RGS12: variants seen among roughly 807,000 people sequenced by gnomAD.
RGS12 encodes the protein regulator of G protein signaling 12.
Under a neutral mutation model 120.1 loss-of-function variants are expected in RGS12, and 66 were observed. That is an observed-to-expected ratio of 0.55 (90% CI 0.45 to 0.67). The LOEUF (loss-of-function observed/expected upper bound fraction) is 0.67. Among genes scored for constraint, RGS12 ranks in the 30% least tolerant of loss-of-function variants. The probability of loss-of-function intolerance (pLI) is 0.00; values close to 1 mark genes in which losing one functional copy is unlikely to be tolerated. For synonymous variants in RGS12, 827 were observed against 804.7 expected (o/e 1.03, Z -0.47); for missense variants, 1,859 against 1,957.7 (o/e 0.95, Z 0.95).
rs1260713144 is a variant in RGS12, at chr4:3,366,728, A to T, written c.1999-19688A>T. Among the ~76,000 whole-genome samples, 2 of 152,134 alleles carry T rather than the reference A, an allele frequency of 1.3e-5. No individual in the cohort carries two copies. Among genetic ancestry groups the T allele is most frequent in the Admixed American group, 6.5e-5 (1 of 15,270 alleles). On this transcript the variant is annotated intron_variant, in intron 3 of 17. Coordinates refer to ENST00000336727, the MANE Select transcript of RGS12 (RefSeq NM_001394154.1). This position sits in a 1 kb window ranked among gnomAD's most constrained non-coding sequence, Gnocchi z 4.0. Reference sequence around the variant, plus strand: ...CCTGGTTAGGCTGGGGCATCACGGGATGTGTCCTCTAGCAGAGACTGGTGT... The same window carrying T: ...CCTGGTTAGGCTGGGGCATCACGGGTTGTGTCCTCTAGCAGAGACTGGTGT...
Position 3,414,078 on chromosome 4 carries a change from C to T in RGS12, c.2027C>T (p.Thr676Met), listed in dbSNP as rs528303715. ...GTCTGTGCTGGTCCCGCAGAGTTGA[C>T]GGGCGCCGACCTGAAGGACTGCGTC... The part of the protein sequence containing the change: ...ESATVSDGEL[T>M]GADLKDCVSN... Residue 676 changes from threonine (T) to methionine (M), a missense_variant, in exon 5 of 18, where the codon ACG becomes ATG. By Grantham distance (81) the Thr-to-Met change is moderately conservative. Around this residue, in one of 3 missense-constraint regions of RGS12, gnomAD observed 967 missense variants for 994.2 expected, o/e 0.97. Transcript: ENST00000336727. 7.0e-5 allele frequency: 109 copies of T among 1,558,120 alleles called. 1 individual carries two copies. In the Middle Eastern group the frequency reaches 1.1e-3, roughly 15 times the overall value.
At chr4:3,435,169 C>T (rs1409902101) in intron 17 of RGS12, among the ~76,000 whole-genome samples, 2 of 152,168 alleles carry the variant, frequency 1.3e-5, no homozygotes, top group African/African-American at 2.4e-5. Context: ...CCTCAGGGCC[C>T]CCGGAGCTCA....
At chr4:3,401,978 C>T (rs960132508) in intron 4 of RGS12, among the ~76,000 whole-genome samples, 2 of 152,204 alleles carry the variant, frequency 1.3e-5, no homozygotes, top group Admixed American at 6.5e-5. Context: ...GAGGTGGCCC[C>T]CTGAGCCCCA....
rs370174777 is a variant in RGS12, at chr4:3,362,489, GGTGT to G, written c.1998+19442_1998+19445del. Reference sequence around the variant, plus strand: ...GTGTGTGAGGGTGTGTGTATGTGAGGGTGTGTGTGAGGGTGCGAGGATCAGTGTG... The same window carrying G: ...GTGTGTGAGGGTGTGTGTATGTGAGGGTGTGAGGGTGCGAGGATCAGTGTG... On this transcript the variant is annotated intron_variant, in intron 3 of 17. Transcript: ENST00000336727. Among the ~76,000 whole-genome samples, 8 of 131,032 alleles carry G rather than the reference GGTGT, an allele frequency of 6.1e-5. No homozygotes were observed. In the East Asian group the frequency reaches 1.0e-3, roughly 17 times the overall value. The allele number at this position is 131,032 out of a possible 152,430, so 86.0% of individuals were successfully genotyped here. A position where few individuals can be genotyped will look rare whatever the true frequency, so the allele number is the denominator to read the frequency against.
chr4:3,369,807 C>A, intron 3 of RGS12: 1 of 158,392 alleles, frequency 6.3e-6, no homozygotes, highest in Non-Finnish European at 1.4e-5. Flanking sequence ...ATACAGATAG[C>A]ACTGAGAGGG....
At chr4:3,361,487 G>T (rs1184005286) in intron 3 of RGS12, among the ~76,000 whole-genome samples, 1 of 152,238 alleles carries the variant, frequency 6.6e-6, no homozygotes, top group Admixed American at 6.5e-5. Flanking sequence ...TGGGATGAGG[G>T]TTTGAAAGTG....
intron 2 of RGS12, among the ~76,000 whole-genome samples, chr4:3,328,430 G>T (rs1161291083): frequency 1.3e-5 from 2 of 152,222 alleles, no homozygotes; most frequent in African/African-American, 2.4e-5. Context: ...ACTAGAGAGT[G>T]GGTCTGTGAA....
intron 1 of RGS12, among the ~76,000 whole-genome samples, chr4:3,310,986 C>A (rs1030921615): frequency 6.6e-6 from 1 of 152,330 alleles, no homozygotes; most frequent in Middle Eastern, 3.4e-3. Flanking sequence ...CATCTGCACG[C>A]GAGAATTGTA....
At chr4:3,289,246 C>T (rs1722962289), upstream of RGS12, among the ~76,000 whole-genome samples, 3 of 152,160 alleles carry the variant, frequency 2.0e-5, no homozygotes, top group African/African-American at 7.2e-5. Flanking sequence ...TTCTGTTGCC[C>T]AGGCTGCAGT....
chr4:3,328,900 C>T lies in RGS12; in HGVS notation c.1881+10849C>T, dbSNP rs540690439. ...TGGGGTGTGTGGGCAGCTCTGTGAG[C>T]AGAGTGGCCATCTGGGATCTGTTAC... On this transcript the variant is annotated intron_variant, in intron 2 of 17. Coordinates refer to ENST00000336727, the MANE Select transcript of RGS12 (RefSeq NM_001394154.1). Among the ~76,000 whole-genome samples, 4 of 152,300 alleles carry T rather than the reference C, an allele frequency of 2.6e-5. No individual in the cohort carries two copies. In the East Asian group the frequency reaches 7.7e-4, roughly 29 times the overall value.
chr4:3,413,458 G>A (rs185369824), intron 4 of RGS12: 4 of 152,450 alleles, frequency 2.6e-5, no homozygotes, highest in African/African-American at 4.8e-5. Context: ...TGAGAGTTTC[G>A]TGTTGAGAAG....
chr4:3,382,355 C>T (rs1000089874), intron 3 of RGS12, among the ~76,000 whole-genome samples: 1 of 152,198 alleles, frequency 6.6e-6, no homozygotes, highest in African/African-American at 2.4e-5. Flanking sequence ...TCTGCCTCCT[C>T]CTCAGCTCCA....
In RGS12 at chr4:3,382,805, T is replaced by C. The variant is rs1053502484; in HGVS notation, c.1999-3611T>C. Among the ~76,000 whole-genome samples the C allele has an allele frequency of 3.9e-5, 6 of 152,242 alleles. No homozygotes were observed. In the East Asian group the frequency reaches 1.2e-3, roughly 29 times the overall value. On this transcript the variant is annotated intron_variant, in intron 3 of 17. Coordinates refer to ENST00000336727, the MANE Select transcript of RGS12 (RefSeq NM_001394154.1). ...TTAACTTCACTTACTGTATTTTCAC[T>C]GTCGGACATTCCATATGGTTCTGTT... is the stretch of plus-strand genomic sequence containing the variant.
intron 3 of RGS12, among the ~76,000 whole-genome samples, chr4:3,360,138 AAT>A (rs1715418089): frequency 6.6e-6 from 1 of 152,130 alleles, no homozygotes; most frequent in Non-Finnish European, 1.5e-5. Context: ...TAGGTTATCC[AAT>A]GTATTGGTGT....
In RGS12 at chr4:3,430,532, C is replaced by A. The variant is rs373242698; in HGVS notation, c.3691C>A (p.Leu1231Ile). Residue 1231 changes from leucine (L) to isoleucine (I), a missense_variant, in exon 17 of 18, where the codon CTC (leucine) becomes ATC (isoleucine). Transcript: ENST00000336727. ...ACCTCCTGGTTCCACAGAACTCACC[C>A]TCCCCACTCCAGCTGCTGTGGCCAA... is the stretch of plus-strand genomic sequence containing the variant. ...RLPPGSTELT[L>I]PTPAAVAKGF... is the part of the protein sequence containing the mutation. 10 of 1,613,372 alleles carry A rather than the reference C, an allele frequency of 6.2e-6. No homozygotes were observed. Among genetic ancestry groups the A allele is most frequent in the Non-Finnish European group, 8.5e-6 (10 of 1,180,032 alleles).
rs750513453 is a variant in RGS12 at position 3,439,672 on chromosome 4, C to T, written c.4332C>T (p.Ala1444=). 1 of 1,534,278 alleles carries T rather than the reference C, an allele frequency of 6.5e-7. No homozygotes were observed. Among genetic ancestry groups the T allele is most frequent in the Non-Finnish European group, 8.8e-7 (1 of 1,140,174 alleles). ...PAKPKTSAHH[A]TFV is the part of the protein sequence containing the mutation. ...AGCCCAAGACCAGCGCTCACCACGC[C>T]ACCTTCGTCTGAGCTGCCCTGGCCT... Residue 1444 remains alanine (A), a synonymous_variant, in exon 18 of 18, where the codon GCC becomes GCT. Coordinates refer to ENST00000336727, the MANE Select transcript of RGS12 (RefSeq NM_001394154.1).
intron 4 of RGS12, among the ~76,000 whole-genome samples, chr4:3,405,797 G>A (rs1181137677): frequency 1.3e-5 from 2 of 152,200 alleles, no homozygotes; most frequent in Non-Finnish European, 2.9e-5. Flanking sequence ...GGGACGGGAT[G>A]ATACAGCAAG....
intron 2 of RGS12, among the ~76,000 whole-genome samples, chr4:3,333,135 G>GT (rs1712056176): frequency 6.7e-6 from 1 of 149,990 alleles, no homozygotes; most frequent in South Asian, 2.1e-4. Context: ...TGCAGGCTCC[G>GT]TCCCCCAGGG....
rs1720209409 is a variant in RGS12, at chr4:3,397,974, A to G, written c.2020+11537A>G. On this transcript the variant is annotated intron_variant, in intron 4 of 17. Transcript: ENST00000336727. Reference sequence around the variant, plus strand: ...TTTAGGTTTACATCCTAATTCTGCTACTTCCTAGCTGTGGGTCTCATTTCT... The same window carrying G: ...TTTAGGTTTACATCCTAATTCTGCTGCTTCCTAGCTGTGGGTCTCATTTCT... Among the ~76,000 whole-genome samples the G allele has an allele frequency of 3.9e-5, 6 of 152,222 alleles. 1 individual carries two copies. Among genetic ancestry groups the G allele is most frequent in the Admixed American group, 2.6e-4 (4 of 15,284 alleles).
Sources: gnomAD v4.1 joint callset for allele counts (sites outside exome capture counted in the v4.1 genomes callset) on GRCh38, gnomAD v4.1.1 for gene constraint, gnomAD v4.1.1 regional missense constraint, Gnocchi (gnomAD v3.1) non-coding constraint, MANE v1.5 for transcripts, NCBI Gene and HGNC (gene_info 2026-07-23, HGNC 2026-07-21) for gene names.